BMP8A: variants seen among roughly 807,000 people sequenced by gnomAD.
BMP8A encodes bone morphogenetic protein 8a.
Under a neutral mutation model 36.8 loss-of-function variants are expected in BMP8A, and 14 were observed. That is an observed-to-expected ratio of 0.38 (90% CI 0.25 to 0.60). The LOEUF is 0.60. Ranked by LOEUF, BMP8A falls within the 20% of genes least tolerant of loss-of-function variation. The pLI is 0.63. For missense variants in BMP8A, 267 were observed against 551.1 expected (o/e 0.48, Z 5.16); for synonymous variants, 120 against 237.7 (o/e 0.50, Z 4.55).
At chr1:39,514,762 G>GC (rs1645382281) in intron 3 of BMP8A, among the ~76,000 whole-genome samples, 1 of 152,280 alleles carries the variant, frequency 6.6e-6, no homozygotes, top group South Asian at 2.1e-4. Flanking sequence ...CTGACTCGGG[G>GC]CCCCCAGCCC....
chr1:39,495,416 T>C (rs2124307283), intron 1 of BMP8A, among the ~76,000 whole-genome samples: 1 of 149,922 alleles, frequency 6.7e-6, no homozygotes, highest in South Asian at 2.2e-4. Context: ...TGGCCTGTCA[T>C]CCATATCAGC....
intron 1 of BMP8A, among the ~76,000 whole-genome samples, chr1:39,505,735 A>T (rs1645295234): frequency 6.6e-6 from 1 of 152,094 alleles, no homozygotes; most frequent in Non-Finnish European, 1.5e-5. Context: ...TAATCTCAGC[A>T]CTCTGGAAGG....
chr1:39,500,971 G>T lies in BMP8A; in HGVS notation c.334+8646G>T, dbSNP rs1645248634. Reference sequence around the variant, plus strand: ...GCCCAGCCGAAAACAGGTTTATTTGGCATACAATTCTAGTGGCTGAAAGGC... The same window carrying T: ...GCCCAGCCGAAAACAGGTTTATTTGTCATACAATTCTAGTGGCTGAAAGGC... On this transcript the variant is annotated intron_variant, in intron 1 of 6. Coordinates refer to ENST00000331593, the MANE Select transcript of BMP8A (RefSeq NM_181809.4). Among the ~76,000 whole-genome samples the T allele has an allele frequency of 2.0e-5, 3 of 152,152 alleles. No individual in the cohort carries two copies. The South Asian group carries it at 6.2e-4, about 32-fold the overall frequency.
At chr1:39,515,382 G>A in intron 3 of BMP8A, 3 of 819,736 alleles carry the variant, frequency 3.7e-6, no homozygotes, top group South Asian at 3.7e-5. Context: ...CACCCTGGCC[G>A]AGCGCATCCG....
In BMP8A at chr1:39,528,943, G is replaced by C. The variant is rs566034321; in HGVS notation, c.*3145G>C. 1 of 152,144 alleles carries C rather than the reference G, an allele frequency of 6.6e-6. No homozygotes were observed. The highest frequency in any genetic ancestry group is 1.5e-5 in the Non-Finnish European group (1 of 68,062). The allele number at this position is 152,144 out of a possible 1,614,324, so 9.4% of individuals were successfully genotyped here. Reference sequence around the variant, plus strand: ...CTTAAACTTTGCCCAGGCCAGTCTTGAACTCCTGAGCTCAAGCAATCCTCC... The same window carrying C: ...CTTAAACTTTGCCCAGGCCAGTCTTCAACTCCTGAGCTCAAGCAATCCTCC... On this transcript the variant is annotated 3_prime_UTR_variant, in exon 7 of 7. Coordinates refer to ENST00000331593, the MANE Select transcript of BMP8A (RefSeq NM_181809.4).
Position 39,523,082 on chromosome 1 carries a change from A to G in BMP8A, c.1024A>G (p.Met342Val). 1 of 1,613,982 alleles carries G rather than the reference A, an allele frequency of 6.2e-7. No homozygotes were observed. The highest frequency in any genetic ancestry group is 2.2e-5 in the East Asian group (1 of 44,862). ...GECSFPLDSC[M>V]NATNHAILQS... is the part of the protein sequence containing the mutation. ...GTGCTCCTTCCCGCTGGACTCCTGC[A>G]TGAACGCCACCAACCACGCCATCCT... Residue 342 changes from methionine (M) to valine (V), a missense_variant, in exon 6 of 7, where the codon ATG becomes GTG. By Grantham distance (21) the Met-to-Val change is conservative. Transcript: ENST00000331593.
chr1:39,524,183 C>CT lies in BMP8A; in HGVS notation c.1059+1069dup, dbSNP rs1645459539. Among the ~76,000 whole-genome samples, 1 of 152,182 alleles carries CT rather than the reference C, an allele frequency of 6.6e-6. No homozygotes were observed. Among genetic ancestry groups the CT allele is most frequent in the South Asian group, 2.1e-4 (1 of 4,830 alleles). ...CGTGGGGTGGCCTGGCCCAGCCACC[C>CT]TTTATGCCGTGTGGTTCTCACAGCT... On this transcript the variant is annotated intron_variant, in intron 6 of 6. Coordinates refer to ENST00000331593, the MANE Select transcript of BMP8A (RefSeq NM_181809.4). The surrounding 1 kb of genome is among the most constrained non-coding windows in gnomAD (Gnocchi z 4.0).
At chr1:39,501,290 C>T (rs1188487596) in intron 1 of BMP8A, among the ~76,000 whole-genome samples, 2 of 152,264 alleles carry the variant, frequency 1.3e-5, no homozygotes, top group African/African-American at 4.8e-5. Context: ...GATCACATTT[C>T]AACCTGAGTT....
intron 1 of BMP8A, among the ~76,000 whole-genome samples, chr1:39,505,678 C>A (rs1351224719): frequency 6.6e-6 from 1 of 152,062 alleles, no homozygotes; most frequent in East Asian, 1.9e-4. Flanking sequence ...AATAACTGAC[C>A]AGCACTCTTC....
At chr1:39,522,657 T>TGTG (rs1365084342) in intron 5 of BMP8A, among the ~76,000 whole-genome samples, 175 bp downstream of exon 5, 2 of 151,448 alleles carry the variant, frequency 1.3e-5, no homozygotes, top group Non-Finnish European at 3.0e-5. Context: ...TTGTTGTTGT[T>TGTG]GTTGTGTTTT....
intron 3 of BMP8A, among the ~76,000 whole-genome samples, chr1:39,516,792 G>C (rs1417011500): frequency 6.6e-6 from 1 of 152,080 alleles, no homozygotes; most frequent in Non-Finnish European, 1.5e-5. Context: ...TTCACAGCAA[G>C]ATTTGATTCA....
chr1:39,504,396 CAT>C (rs565341819), intron 1 of BMP8A, among the ~76,000 whole-genome samples: 41 of 152,322 alleles, frequency 2.7e-4, no homozygotes, highest in Non-Finnish European at 5.0e-4. Flanking sequence ...AGCAGGAAAA[CAT>C]GTGAGCAAAG....
intron 1 of BMP8A, among the ~76,000 whole-genome samples, chr1:39,510,741 G>A (rs553801764): frequency 1.3e-5 from 2 of 152,334 alleles, no homozygotes; most frequent in East Asian, 1.9e-4. Context: ...CGGTTATGTC[G>A]GTTATGTCCC....
chr1:39,519,042 G>A (rs1028934652), intron 3 of BMP8A, among the ~76,000 whole-genome samples: 1 of 99,858 alleles, frequency 1.0e-5, no homozygotes, highest in African/African-American at 4.4e-5. Flanking sequence ...GAGGGGCTCT[G>A]TGAGGGTCTG....
intron 5 of BMP8A, 29 bp from the exon 6 acceptor site, chr1:39,522,978 T>C: frequency 6.4e-7 from 1 of 1,561,950 alleles, no homozygotes; most frequent in Non-Finnish European, 8.7e-7. Context: ...AGCACATGGA[T>C]GGGACTCACC....
chr1:39,491,860 G>A lies in BMP8A; in HGVS notation c.-132G>A, dbSNP rs1389823647. The A allele has an allele frequency of 2.4e-6, 2 of 823,924 alleles. No homozygotes were observed. Among genetic ancestry groups the A allele is most frequent in the African/African-American group, 1.9e-5 (1 of 54,036 alleles). 51.0% of individuals were successfully genotyped at this position (823,924 alleles called of 1,614,324 possible). A position where few individuals can be genotyped will look rare whatever the true frequency, so the allele number is the denominator to read the frequency against. On this transcript the variant is annotated 5_prime_UTR_variant, in exon 1 of 7. Transcript: ENST00000331593. ...GGGGGCGCTCCAGGGACCGCGCTGAGGCCGCAGACGCCGCCCGCCGAGCCC... is the reference window on the plus strand; with the variant it reads ...GGGGGCGCTCCAGGGACCGCGCTGAAGCCGCAGACGCCGCCCGCCGAGCCC...
In BMP8A at chr1:39,491,971, G is replaced by T. The variant is rs1645161890; in HGVS notation, c.-21G>T. 1 of 1,074,196 alleles carries T rather than the reference G, an allele frequency of 9.3e-7. No homozygotes were observed. Among genetic ancestry groups the T allele is most frequent in the Non-Finnish European group, 1.1e-6 (1 of 887,888 alleles). The allele number at this position is 1,074,196 out of a possible 1,614,324, so 66.5% of individuals were successfully genotyped here. On this transcript the variant is annotated 5_prime_UTR_variant, in exon 1 of 7. Transcript: ENST00000331593. Reference sequence around the variant, plus strand: ...GCGGCGGCGGAGCTGATGTGCGCCCGCTGAGCGCCCCCGGCCCGCCATGGC... The same window carrying T: ...GCGGCGGCGGAGCTGATGTGCGCCCTCTGAGCGCCCCCGGCCCGCCATGGC...
chr1:39,500,415 G>C (rs1240906830), intron 1 of BMP8A, among the ~76,000 whole-genome samples: 1 of 152,188 alleles, frequency 6.6e-6, no homozygotes, highest in Non-Finnish European at 1.5e-5. Flanking sequence ...AGGGGCAGAG[G>C]CCAGGGGTGC....
chr1:39,501,476 T>A (rs192973805), intron 1 of BMP8A, among the ~76,000 whole-genome samples: 16 of 152,300 alleles, frequency 1.1e-4, no homozygotes, highest in African/African-American at 3.4e-4. Flanking sequence ...TACCTCAGCC[T>A]CCTGAATAGA....
Sources: allele counts gnomAD v4.1 joint callset (sites outside exome capture counted in the v4.1 genomes callset), GRCh38; gene constraint gnomAD v4.1.1; non-coding constraint Gnocchi (gnomAD v3.1); transcripts MANE v1.5; gene names NCBI Gene and HGNC (gene_info 2026-07-23, HGNC 2026-07-21).